Variants in SCD5 observed in about 807,000 individuals in gnomAD.
SCD5 encodes stearoyl-CoA desaturase 5, also known as acyl-CoA-desaturase 4.
Under a neutral mutation model 30.4 loss-of-function variants are expected in SCD5, and 20 were observed. The ratio of observed to expected loss-of-function variants is 0.66; its 90% CI spans 0.46 to 0.96. SCD5 has a LOEUF of 0.96. SCD5 is among the 40% of genes least tolerant of loss of function. The pLI, the probability that SCD5 is intolerant of heterozygous loss-of-function variation, is 0.00. For missense variants in SCD5, 381 were observed against 443.3 expected (o/e 0.86, Z 1.26); for synonymous variants, 173 against 176.4 (o/e 0.98, Z 0.16).
chr4:82,774,741 T>C (rs1721707638), intron 1 of SCD5, among the ~76,000 whole-genome samples: 1 of 152,064 alleles, frequency 6.6e-6, no homozygotes, highest in African/African-American at 2.4e-5. Flanking sequence ...ATAGACCCAG[T>C]CTCTTGGTTC....
intron 1 of SCD5, among the ~76,000 whole-genome samples, chr4:82,795,212 CTT>C (rs1346198628): frequency 6.6e-6 from 1 of 152,212 alleles, no homozygotes. Flanking sequence ...ATAGATGCCT[CTT>C]GTTTCCAGCA....
intron 1 of SCD5, among the ~76,000 whole-genome samples, chr4:82,788,632 C>A (rs995121655): frequency 3.3e-5 from 5 of 152,216 alleles, no homozygotes; most frequent in Non-Finnish European, 7.3e-5. Flanking sequence ...CTCAAGTGAT[C>A]CACCCACCTC....
At chr4:82,775,256 C>A (rs1012796958) in intron 1 of SCD5, among the ~76,000 whole-genome samples, 7 of 152,204 alleles carry the variant, frequency 4.6e-5, no homozygotes, top group African/African-American at 1.7e-4. Flanking sequence ...TTATTTCACT[C>A]ACGCCCTGGT....
At chr4:82,676,575 A>G (rs1371250364) in intron 3 of SCD5, among the ~76,000 whole-genome samples, 1 of 152,180 alleles carries the variant, frequency 6.6e-6, no homozygotes, top group Non-Finnish European at 1.5e-5. Context: ...CTGTTGGGAG[A>G]ACAGATCCCA....
intron 1 of SCD5, among the ~76,000 whole-genome samples, chr4:82,774,114 A>T (rs560247911): frequency 2.0e-5 from 3 of 152,096 alleles, no homozygotes; most frequent in Admixed American, 6.5e-5. Context: ...AGCACATAGA[A>T]ATACATCCTA....
chr4:82,797,197 A>C (rs1408309686), intron 1 of SCD5, among the ~76,000 whole-genome samples: 1 of 152,000 alleles, frequency 6.6e-6, no homozygotes, highest in Non-Finnish European at 1.5e-5. Flanking sequence ...AAGAGGTCTT[A>C]TTTTCTTCCT....
At chr4:82,641,212 C>A (rs2148812768) in intron 3 of SCD5, among the ~76,000 whole-genome samples, 1 of 127,332 alleles carries the variant, frequency 7.9e-6, no homozygotes, top group African/African-American at 3.0e-5. Context: ...CAAGATCATG[C>A]CATTGCACTC....
At chr4:82,784,424 C>T (rs958223723) in intron 1 of SCD5, among the ~76,000 whole-genome samples, 1 of 152,092 alleles carries the variant, frequency 6.6e-6, no homozygotes, top group Admixed American at 6.5e-5. Context: ...ACCCCTAACA[C>T]CAAAAAGAAA....
At chr4:82,752,006 T>C (rs539627705) in intron 1 of SCD5, among the ~76,000 whole-genome samples, 45 of 152,306 alleles carry the variant, frequency 3.0e-4, no homozygotes, top group African/African-American at 1.1e-3. Context: ...TTTCTAAAAA[T>C]AGAACAGTGA....
intron 1 of SCD5, among the ~76,000 whole-genome samples, chr4:82,753,617 A>G (rs1006819559): frequency 6.6e-6 from 1 of 152,176 alleles, no homozygotes; most frequent in Non-Finnish European, 1.5e-5. Context: ...CTACTCCCAA[A>G]GAAGTCATTT....
chr4:82,688,001 T>C (rs1728747537), intron 2 of SCD5, among the ~76,000 whole-genome samples: 1 of 152,200 alleles, frequency 6.6e-6, no homozygotes, highest in Non-Finnish European at 1.5e-5. Context: ...GAAACCAGAA[T>C]CATTGATTGG....
chr4:82,677,675 T>C (rs1360868574), intron 3 of SCD5, among the ~76,000 whole-genome samples: 1 of 152,202 alleles, frequency 6.6e-6, no homozygotes, highest in Non-Finnish European at 1.5e-5. Flanking sequence ...TGCTGTATAA[T>C]TACCACAGGA....
intron 1 of SCD5, among the ~76,000 whole-genome samples, chr4:82,716,595 C>T (rs1206954619): frequency 6.6e-6 from 1 of 151,758 alleles, no homozygotes; most frequent in African/African-American, 2.4e-5. Flanking sequence ...GGGCGGATCA[C>T]TTGAGGTCAG....
chr4:82,699,660 GTTATT>G (rs1461522816), intron 2 of SCD5, among the ~76,000 whole-genome samples: 1 of 147,506 alleles, frequency 6.8e-6, no homozygotes, highest in Non-Finnish European at 1.5e-5. Flanking sequence ...CCAGCACTTT[GTTATT>G]TTATTTTATT....
intron 2 of SCD5, among the ~76,000 whole-genome samples, chr4:82,685,160 T>G (rs967673009): frequency 6.6e-6 from 1 of 152,164 alleles, no homozygotes; most frequent in African/African-American, 2.4e-5. Context: ...TGAAGGGAGC[T>G]ACATTAGTTC....
chr4:82,665,991 A>G (rs1198498232), intron 3 of SCD5, among the ~76,000 whole-genome samples: 2 of 152,104 alleles, frequency 1.3e-5, no homozygotes, highest in African/African-American at 4.8e-5. Context: ...TCTACAATGA[A>G]CCTATATTAC....
At chr4:82,775,937 A>G (rs1471891572) in intron 1 of SCD5, 1 of 152,410 alleles carries the variant, frequency 6.6e-6, no homozygotes, top group African/African-American at 2.4e-5. Context: ...TTCGACGCCT[A>G]TGTGCTTTCT....
At chr4:82,713,624 G>A (rs974722886) in intron 1 of SCD5, among the ~76,000 whole-genome samples, 1 of 152,126 alleles carries the variant, frequency 6.6e-6, no homozygotes, top group Non-Finnish European at 1.5e-5. Context: ...TCTCCAGGAG[G>A]GCAGGGATTG....
intron 1 of SCD5, among the ~76,000 whole-genome samples, chr4:82,754,256 C>A (rs1013429219): frequency 6.6e-6 from 1 of 152,162 alleles, no homozygotes; most frequent in Admixed American, 6.5e-5. Context: ...TGAGAGAATG[C>A]AGGAAGAGAG....
Sources: allele counts gnomAD v4.1 joint callset (sites outside exome capture counted in the v4.1 genomes callset), GRCh38; gene constraint gnomAD v4.1.1; transcripts MANE v1.5; gene names NCBI Gene and HGNC (gene_info 2026-07-23, HGNC 2026-07-21).